Variants in SUDS3 observed in about 807,000 individuals in gnomAD.
SUDS3 encodes sin3 histone deacetylase corepressor complex component SDS3.
In SUDS3, 23 loss-of-function variants were observed where a neutral mutation model predicts 53.5. That is an observed-to-expected ratio of 0.43 (90% CI 0.31 to 0.61). SUDS3 has a LOEUF of 0.61. SUDS3 is among the 20% of genes least tolerant of loss of function. The probability of loss-of-function intolerance (pLI) is 0.10; values close to 1 mark genes in which losing one functional copy is unlikely to be tolerated. For synonymous variants in SUDS3, 150 were observed against 148.5 expected, an observed-to-expected ratio of 1.01 and a Z score of -0.08; for missense variants, 291 against 405.9, an observed-to-expected ratio of 0.72 and a Z score of 2.43.
intron 1 of SUDS3, among the ~76,000 whole-genome samples, chr12:118,377,749 A>G (rs1163773520): frequency 6.6e-6 from 1 of 152,192 alleles, no homozygotes; most frequent in Non-Finnish European, 1.5e-5. Context: ...AAACAAAGAG[A>G]GACCGATATA....
At chr12:118,380,025 C>G (rs12230104) in intron 1 of SUDS3, 137 bp from the exon 2 acceptor site, 28,798 of 696,290 alleles carry the variant, frequency 0.041, 1,917 homozygotes, top group East Asian at 0.22. Flanking sequence ...TAATGTTTTT[C>G]ATTGATGGCT....
intron 2 of SUDS3, 32 bp downstream of exon 2, chr12:118,380,263 C>T: frequency 1.3e-6 from 2 of 1,551,766 alleles, no homozygotes; most frequent in Non-Finnish European, 1.8e-6. Flanking sequence ...CTTTTTGGAA[C>T]ATAGAATTGA....
intron 2 of SUDS3, 39 bp downstream of exon 2, chr12:118,380,270 T>C: frequency 2.0e-6 from 3 of 1,527,586 alleles, no homozygotes; most frequent in African/African-American, 2.7e-5. Flanking sequence ...GAACATAGAA[T>C]TGACAACATC....
chr12:118,387,662 A>G (rs201801135), intron 4 of SUDS3, among the ~76,000 whole-genome samples: 1 of 151,622 alleles, frequency 6.6e-6, no homozygotes, highest in Non-Finnish European at 1.5e-5. Flanking sequence ...AGCGATTCTC[A>G]TGCCTCAGCC....
At chr12:118,395,414 G>C (rs2046206156) in intron 6 of SUDS3, among the ~76,000 whole-genome samples, 1 of 151,516 alleles carries the variant, frequency 6.6e-6, no homozygotes, top group South Asian at 2.1e-4. Context: ...TTTTAGTAGT[G>C]ATGGGGTTTC....
At chr12:118,408,458 C>G (rs56190986) in intron 10 of SUDS3, among the ~76,000 whole-genome samples, 1 of 151,960 alleles carries the variant, frequency 6.6e-6, no homozygotes, top group African/African-American at 2.4e-5. Context: ...TTCAGCCTCC[C>G]GAGTACCTGG....
intron 2 of SUDS3, among the ~76,000 whole-genome samples, chr12:118,383,083 A>T (rs1400189553): frequency 6.6e-6 from 1 of 152,194 alleles, no homozygotes; most frequent in East Asian, 1.9e-4. Flanking sequence ...GATGTGTGTG[A>T]GTCTCAAATT....
chr12:118,397,563 G>A (rs759556180), intron 6 of SUDS3, among the ~76,000 whole-genome samples: 5 of 152,072 alleles, frequency 3.3e-5, no homozygotes, highest in Non-Finnish European at 5.9e-5. Context: ...TTTCCACCTG[G>A]GCTATTGGCC....
In SUDS3 at chr12:118,404,922, G is replaced by A. The variant is rs76672940; in HGVS notation, c.803+1405G>A. On this transcript the variant is annotated intron_variant, in intron 10 of 11. Transcript: ENST00000543473. ...AATGCTTAGGGTTCTAGTCATGGCC[G>A]AAGTAAATCATTTCCACCTATTAAG... 2.7e-3 allele frequency among the ~76,000 whole-genome samples: 413 copies of A among 152,318 alleles called. 1 individual carries two copies. The Middle Eastern group carries it at 0.031, about 11-fold the overall frequency.
chr12:118,410,974 A>T, intron 10 of SUDS3, 99 bp from the exon 11 acceptor site: 1 of 933,318 alleles, frequency 1.1e-6, no homozygotes, highest in Non-Finnish European at 1.7e-6. Flanking sequence ...AGACTTCTTT[A>T]ATTATAATTT....
chr12:118,411,009 G>C (rs1749408836), intron 10 of SUDS3, 64 bp from the exon 11 acceptor site: 2 of 1,354,178 alleles, frequency 1.5e-6, no homozygotes, highest in African/African-American at 2.9e-5. Flanking sequence ...TTTTTGTTTT[G>C]TTTGGTTTTT....
chr12:118,382,719 G>A (rs577844242), intron 2 of SUDS3, among the ~76,000 whole-genome samples: 2 of 150,702 alleles, frequency 1.3e-5, no homozygotes, highest in African/African-American at 2.4e-5. Context: ...CCAGGCTGGA[G>A]TGCAGTGGCA....
intron 6 of SUDS3, among the ~76,000 whole-genome samples, chr12:118,393,547 A>G (rs2046186747): frequency 1.3e-5 from 2 of 152,218 alleles, no homozygotes; most frequent in South Asian, 4.1e-4. Context: ...AGGAAGAATT[A>G]TAGGTCAGTG....
intron 6 of SUDS3, among the ~76,000 whole-genome samples, chr12:118,396,102 G>A (rs1481391460): frequency 2.0e-5 from 3 of 152,172 alleles, no homozygotes; most frequent in Non-Finnish European, 4.4e-5. Flanking sequence ...CATGATGTCT[G>A]CTAGGATTGC....
intron 9 of SUDS3, 61 bp downstream of exon 9, chr12:118,402,065 T>G: frequency 6.3e-7 from 1 of 1,580,696 alleles, no homozygotes; most frequent in South Asian, 1.1e-5. Context: ...GAAAAGGGTG[T>G]GAATACCTGT....
intron 6 of SUDS3, among the ~76,000 whole-genome samples, chr12:118,395,533 G>C (rs1219413437): frequency 6.6e-6 from 1 of 151,772 alleles, no homozygotes; most frequent in Non-Finnish European, 1.5e-5. Context: ...GCCAGAATCA[G>C]GTCTTTTAAT....
intron 2 of SUDS3, among the ~76,000 whole-genome samples, chr12:118,383,227 TGG>T (rs1268223147): frequency 1.3e-5 from 2 of 152,230 alleles, no homozygotes; most frequent in Non-Finnish European, 2.9e-5. Flanking sequence ...TGTTATATGT[TGG>T]ACAGTGTTCT....
intron 6 of SUDS3, among the ~76,000 whole-genome samples, chr12:118,398,082 T>G (rs1278617640): frequency 6.6e-6 from 1 of 152,196 alleles, no homozygotes; most frequent in Non-Finnish European, 1.5e-5. Flanking sequence ...TTTTCAGCTC[T>G]TTGTGCCTTG....
chr12:118,382,736 C>T (rs901959698), intron 2 of SUDS3, among the ~76,000 whole-genome samples: 1 of 150,546 alleles, frequency 6.6e-6, no homozygotes, highest in Non-Finnish European at 1.5e-5. Flanking sequence ...GGCATGATCT[C>T]GGCTCACTGC....
Sources: gnomAD v4.1 joint callset for allele counts (sites outside exome capture counted in the v4.1 genomes callset) on GRCh38, gnomAD v4.1.1 for gene constraint, MANE v1.5 for transcripts, NCBI Gene and HGNC (gene_info 2026-07-23, HGNC 2026-07-21) for gene names.